The following YWHAH variants were observed in gnomAD, a reference collection of about 807,000 sequenced individuals.
YWHAH encodes tyrosine 3-monooxygenase/tryptophan 5-monooxygenase activation protein eta, also known as 14-3-3 protein eta.
Under a neutral mutation model 22.9 loss-of-function variants are expected in YWHAH, and 6 were observed. That is an observed-to-expected ratio of 0.26 (90% CI 0.14 to 0.52). The LOEUF (loss-of-function observed/expected upper bound fraction) is 0.52. Ranked by LOEUF, YWHAH falls within the 20% of genes least tolerant of loss-of-function variation. YWHAH has a pLI of 0.97. For missense variants in YWHAH, 173 were observed against 308.6 expected (o/e 0.56, Z 3.29); for synonymous variants, 135 against 124.5 (o/e 1.08, Z -0.56).
intron 1 of YWHAH, among the ~76,000 whole-genome samples, chr22:31,952,724 G>T (rs961815300): frequency 1.3e-5 from 2 of 152,156 alleles, no homozygotes; most frequent in African/African-American, 4.8e-5. Context: ...GATTTTTCTT[G>T]TGAAGGTGTC....
intron 1 of YWHAH, among the ~76,000 whole-genome samples, chr22:31,953,808 G>A (rs933754959): frequency 3.4e-5 from 5 of 149,148 alleles, no homozygotes; most frequent in African/African-American, 1.2e-4. Context: ...CCACACTGAA[G>A]AAAGAAGTGG....
chr22:31,954,439 G>C (rs1274776562), intron 1 of YWHAH, among the ~76,000 whole-genome samples: 1 of 152,050 alleles, frequency 6.6e-6, no homozygotes, highest in Non-Finnish European at 1.5e-5. Flanking sequence ...CTTTGCTTGG[G>C]CCCAGACCAA....
In YWHAH at chr22:31,944,696, C is replaced by T. The variant is rs1349643256; in HGVS notation, c.-38C>T. On this transcript the variant is annotated 5_prime_UTR_variant, in exon 1 of 2. Transcript: ENST00000248975. ...ACCGGCGGGAGGGCTAGCGAGCCAG[C>T]GGTGTGAGGCGCGAGGCGAGGCCGA... 4.5e-6 allele frequency: 6 copies of T among 1,324,600 alleles called. No individual in the cohort carries two copies. The highest frequency in any genetic ancestry group is 5.8e-6 in the Non-Finnish European group (6 of 1,026,724). The allele number at this position is 1,324,600 out of a possible 1,614,324, so 82.1% of individuals were successfully genotyped here.
At chr22:31,949,373 A>G (rs1318039850) in intron 1 of YWHAH, among the ~76,000 whole-genome samples, 1 of 151,848 alleles carries the variant, frequency 6.6e-6, no homozygotes, top group Non-Finnish European at 1.5e-5. Flanking sequence ...TGAACACCCG[A>G]CCTCAGGTTA....
chr22:31,952,108 A>G (rs1263703075), intron 1 of YWHAH, among the ~76,000 whole-genome samples: 4 of 152,136 alleles, frequency 2.6e-5, no homozygotes, highest in Non-Finnish European at 4.4e-5. Flanking sequence ...GCTGAAAACT[A>G]TTGTCTAGGC....
At chr22:31,947,908 C>T (rs982448492) in intron 1 of YWHAH, among the ~76,000 whole-genome samples, 1 of 152,144 alleles carries the variant, frequency 6.6e-6, no homozygotes, top group Non-Finnish European at 1.5e-5. Context: ...CCTAAGTCAT[C>T]TATTTTATAT....
Position 31,956,949 on chromosome 22 carries a change from A to G in YWHAH, c.*157A>G, listed in dbSNP as rs922224233. 2.1e-6 allele frequency: 2 copies of G among 975,484 alleles called. No individual in the cohort carries two copies. Among genetic ancestry groups the G allele is most frequent in the Non-Finnish European group, 2.9e-6 (2 of 680,118 alleles). 60.4% of individuals were successfully genotyped at this position (975,484 alleles called of 1,614,324 possible). A position where few individuals can be genotyped will look rare whatever the true frequency, so the allele number is the denominator to read the frequency against. On this transcript the variant is annotated 3_prime_UTR_variant, in exon 2 of 2. Coordinates refer to ENST00000248975, the MANE Select transcript of YWHAH (RefSeq NM_003405.4). The surrounding 1 kb of genome is among the most constrained non-coding windows in gnomAD (Gnocchi z 5.1). ...CCTGTCTCTTGGGAAGCAGTTTCAG[A>G]TAAATCATGGGCATTGCTGGACTGA...
chr22:31,948,400 T>C (rs1173421407), intron 1 of YWHAH, among the ~76,000 whole-genome samples: 8 of 152,132 alleles, frequency 5.3e-5, no homozygotes, highest in Admixed American at 3.3e-4. Context: ...TTTTTTTTTT[T>C]TTCTTAAAGA....
At chr22:31,952,533 T>G (rs906436340) in intron 1 of YWHAH, among the ~76,000 whole-genome samples, 3 of 152,154 alleles carry the variant, frequency 2.0e-5, no homozygotes, top group African/African-American at 7.2e-5. Context: ...CCCAGGAGTA[T>G]TAAAAAATAC....
intron 1 of YWHAH, among the ~76,000 whole-genome samples, chr22:31,950,995 C>T (rs748505842): frequency 6.6e-6 from 1 of 152,132 alleles, no homozygotes; most frequent in South Asian, 2.1e-4. Context: ...CTCCTGGGTT[C>T]GAGCGATTGT....
Position 31,956,920 on chromosome 22 carries a change from C to A in YWHAH, c.*128C>A. ...TTGGCAGCACAGCTACTCAGATCTG[C>A]ACTCCTGTCTCTTGGGAAGCAGTTT... On this transcript the variant is annotated 3_prime_UTR_variant, in exon 2 of 2. Coordinates refer to ENST00000248975, the MANE Select transcript of YWHAH (RefSeq NM_003405.4). This position sits in a 1 kb window ranked among gnomAD's most constrained non-coding sequence, Gnocchi z 5.1. 1 of 1,192,374 alleles carries A rather than the reference C, an allele frequency of 8.4e-7. No homozygotes were observed. The highest frequency in any genetic ancestry group is 1.1e-6 in the Non-Finnish European group (1 of 874,508). 73.9% of individuals were successfully genotyped at this position (1,192,374 alleles called of 1,614,324 possible).
At chr22:31,950,589 A>C (rs563057568) in intron 1 of YWHAH, among the ~76,000 whole-genome samples, 1 of 152,234 alleles carries the variant, frequency 6.6e-6, no homozygotes, top group South Asian at 2.1e-4. Context: ...CAAGGCAAAA[A>C]CAGTCTCTTG....
Position 31,951,213 on chromosome 22 carries a change from CT to C in YWHAH, c.88-4922del, listed in dbSNP as rs976419209. 1.3e-3 allele frequency among the ~76,000 whole-genome samples: 204 copies of C among 152,264 alleles called. 1 individual carries two copies. The highest frequency in any genetic ancestry group is 4.8e-3 in the African/African-American group (199 of 41,544). On this transcript the variant is annotated intron_variant, in intron 1 of 1. Coordinates refer to ENST00000248975, the MANE Select transcript of YWHAH (RefSeq NM_003405.4). ...CTGGCCCCTCAAACCCTCAAACTGA[CT>C]TTTCTCACACAGACACACACACATA...
chr22:31,944,567 G>C lies in YWHAH; in HGVS notation c.-167G>C. 1 of 309,022 alleles carries C rather than the reference G, an allele frequency of 3.2e-6. No individual in the cohort carries two copies. The highest frequency in any genetic ancestry group is 2.3e-5 in the African/African-American group (1 of 43,694). 19.1% of individuals were successfully genotyped at this position (309,022 alleles called of 1,614,324 possible). A position where few individuals can be genotyped will look rare whatever the true frequency, so the allele number is the denominator to read the frequency against. ...GCGGGGCGAGCCAGCGAGAGGGCGC[G>C]AGCGGCGGCGCTGCCTGCAGCCTGC... On this transcript the variant is annotated 5_prime_UTR_variant, in exon 1 of 2. Transcript: ENST00000248975.
chr22:31,951,784 A>T (rs9606887), intron 1 of YWHAH, among the ~76,000 whole-genome samples: 3 of 152,228 alleles, frequency 2.0e-5, no homozygotes, highest in Non-Finnish European at 4.4e-5. Flanking sequence ...AGGTGTAGCC[A>T]AAGGCTGTTT....
Position 31,945,923 on chromosome 22 carries a change from C to T in YWHAH, c.87+1103C>T, listed in dbSNP as rs564804473. ...CTGCCCATGATTATAGTAAATGTAT[C>T]CTTTGCTGGCCTTTTGGAGGGAGTT... On this transcript the variant is annotated intron_variant, in intron 1 of 1. Coordinates refer to ENST00000248975, the MANE Select transcript of YWHAH (RefSeq NM_003405.4). Among the ~76,000 whole-genome samples, 7 of 152,296 alleles carry T rather than the reference C, an allele frequency of 4.6e-5. No homozygotes were observed. In the South Asian group the frequency reaches 1.0e-3, roughly 23 times the overall value.
At chr22:31,946,626 G>T (rs890015433) in intron 1 of YWHAH, among the ~76,000 whole-genome samples, 32 of 152,200 alleles carry the variant, frequency 2.1e-4, no homozygotes, top group Non-Finnish European at 3.7e-4. Flanking sequence ...AAGGAAAAAT[G>T]GCTAGAAGGT....
intron 1 of YWHAH, chr22:31,945,469 C>T (rs1225602890): frequency 5.4e-6 from 7 of 1,303,980 alleles, no homozygotes; most frequent in Non-Finnish European, 6.1e-6. Flanking sequence ...GCGCTGTCTG[C>T]TTGGAGATTA....
intron 1 of YWHAH, among the ~76,000 whole-genome samples, chr22:31,948,213 G>T (rs1381787203): frequency 6.6e-6 from 1 of 152,194 alleles, no homozygotes; most frequent in African/African-American, 2.4e-5. Flanking sequence ...GGAAACAGGA[G>T]TCGGAGAGGA....
Sources: allele counts gnomAD v4.1 joint callset (sites outside exome capture counted in the v4.1 genomes callset), GRCh38; gene constraint gnomAD v4.1.1; non-coding constraint Gnocchi (gnomAD v3.1); transcripts MANE v1.5; gene names NCBI Gene and HGNC (gene_info 2026-07-23, HGNC 2026-07-21).